The following SLC12A1 variants were observed in gnomAD, a reference collection of about 807,000 sequenced individuals.
SLC12A1 encodes Na-K-2Cl cotransporter.
Under a neutral mutation model 130.4 loss-of-function variants are expected in SLC12A1, and 89 were observed. That is an observed-to-expected ratio of 0.68 (90% CI 0.58 to 0.81). The LOEUF (loss-of-function observed/expected upper bound fraction) is 0.81. Ranked by LOEUF, SLC12A1 falls within the 40% of genes least tolerant of loss-of-function variation. The pLI is 0.00. For missense variants in SLC12A1, 1,310 were observed against 1,336.4 expected (o/e 0.98, Z 0.31); for synonymous variants, 499 against 460.0 (o/e 1.08, Z -1.09).
At chr15:48,265,478 T>C (rs1456152887) in intron 17 of SLC12A1, among the ~76,000 whole-genome samples, 1 of 152,188 alleles carries the variant, frequency 6.6e-6, no homozygotes, top group Non-Finnish European at 1.5e-5. Flanking sequence ...TATTCTTTCT[T>C]TTTTTTGCAG....
At chr15:48,285,055 A>G in intron 20 of SLC12A1, 51 bp from the exon 21 acceptor site, 1 of 1,398,186 alleles carries the variant, frequency 7.2e-7, no homozygotes, top group Non-Finnish European at 9.6e-7. Context: ...GATTGTTTCT[A>G]GAAACTTTGT....
At chr15:48,301,766 G>A (rs1182971794) in intron 26 of SLC12A1, among the ~76,000 whole-genome samples, 9 of 152,142 alleles carry the variant, frequency 5.9e-5, no homozygotes, top group Non-Finnish European at 1.0e-4. Flanking sequence ...CTGTGCCCAT[G>A]GCAGGTTCAT....
At chr15:48,238,132 C>A (rs1419663826) in intron 9 of SLC12A1, among the ~76,000 whole-genome samples, 1 of 152,204 alleles carries the variant, frequency 6.6e-6, no homozygotes, top group African/African-American at 2.4e-5. Flanking sequence ...TTATTACAAG[C>A]AATGCCTTCT....
chr15:48,291,356 A>C (rs984303613), intron 23 of SLC12A1, among the ~76,000 whole-genome samples: 1 of 151,278 alleles, frequency 6.6e-6, no homozygotes, highest in African/African-American at 2.4e-5. Context: ...ATAATCATAT[A>C]ATTTATCATC....
At chr15:48,291,123 A>T (rs1298329807) in intron 23 of SLC12A1, among the ~76,000 whole-genome samples, 1 of 151,922 alleles carries the variant, frequency 6.6e-6, no homozygotes, top group Non-Finnish European at 1.5e-5. Context: ...AGAAACAAAG[A>T]AAATGGTAAA....
chr15:48,213,996 C>T (rs1021742784), intron 2 of SLC12A1, among the ~76,000 whole-genome samples: 2 of 152,154 alleles, frequency 1.3e-5, no homozygotes, highest in South Asian at 2.1e-4. Flanking sequence ...ATAACCTTTT[C>T]TACAGTGTTT....
intron 19 of SLC12A1, among the ~76,000 whole-genome samples, chr15:48,274,280 C>A (rs746837313): frequency 6.6e-6 from 1 of 152,036 alleles, no homozygotes; most frequent in African/African-American, 2.4e-5. Flanking sequence ...ATAAAAGATT[C>A]GATTATTTTT....
At chr15:48,286,808 A>T (rs1264260747) in intron 21 of SLC12A1, among the ~76,000 whole-genome samples, 1 of 152,058 alleles carries the variant, frequency 6.6e-6, no homozygotes, top group Non-Finnish European at 1.5e-5. Flanking sequence ...TTGCTTGTCA[A>T]CTCTTTTGAG....
chr15:48,301,202 T>C (rs2042228248), intron 25 of SLC12A1, 113 bp from the exon 26 acceptor site: 9 of 777,250 alleles, frequency 1.2e-5, no homozygotes, highest in Admixed American at 4.2e-5. Flanking sequence ...GTAATTGTAA[T>C]TTTTATACAT....
chr15:48,249,984 A>T (rs2041628687), intron 14 of SLC12A1, among the ~76,000 whole-genome samples: 1 of 152,218 alleles, frequency 6.6e-6, no homozygotes, highest in South Asian at 2.1e-4. Flanking sequence ...TCCAGGGTGA[A>T]AGTGACCACA....
chr15:48,238,978 A>G (rs998626923), intron 9 of SLC12A1, among the ~76,000 whole-genome samples: 1 of 152,246 alleles, frequency 6.6e-6, no homozygotes, highest in African/African-American at 2.4e-5. Flanking sequence ...ACATACCCAG[A>G]AAGCAGGCAT....
At chr15:48,283,787 A>G (rs1415879234) in intron 20 of SLC12A1, among the ~76,000 whole-genome samples, 1 of 152,220 alleles carries the variant, frequency 6.6e-6, no homozygotes, top group Admixed American at 6.5e-5. Context: ...TCTTCCTCTG[A>G]GCATTGCTCA....
chr15:48,235,736 C>T (rs931152695), intron 9 of SLC12A1, among the ~76,000 whole-genome samples: 3 of 151,928 alleles, frequency 2.0e-5, no homozygotes, highest in African/African-American at 7.3e-5. Context: ...TTAAATCATC[C>T]CGTAGGCCAT....
At position 48,304,049 on chromosome 15, in the gene SLC12A1, T is replaced by G. The variant is rs2042261377; in HGVS notation, c.*1164T>G. On this transcript the variant is annotated 3_prime_UTR_variant, in exon 27 of 27. Transcript: ENST00000380993. ...AACTGAAAACATATATGGGAAAATATGAACCTGAAATAAAAGCACTCAAAT... is the reference window on the plus strand; with the variant it reads ...AACTGAAAACATATATGGGAAAATAGGAACCTGAAATAAAAGCACTCAAAT... 6.6e-6 allele frequency: 1 copy of G among 152,220 alleles called. No individual in the cohort carries two copies. The highest frequency in any genetic ancestry group is 2.4e-5 in the African/African-American group (1 of 41,476). 9.4% of individuals were successfully genotyped at this position (152,220 alleles called of 1,614,324 possible).
At chr15:48,264,109 ATTC>A (rs929813957) in intron 17 of SLC12A1, among the ~76,000 whole-genome samples, 3 of 152,152 alleles carry the variant, frequency 2.0e-5, no homozygotes, top group Admixed American at 1.3e-4. Context: ...TTTTATGGGT[ATTC>A]TTCTCATCAT....
chr15:48,245,320 G>C (rs2041564780), intron 11 of SLC12A1, among the ~76,000 whole-genome samples: 1 of 152,180 alleles, frequency 6.6e-6, no homozygotes, highest in Admixed American at 6.5e-5. Context: ...GTGTGATTCT[G>C]AGATTTGGGG....
intron 10 of SLC12A1, among the ~76,000 whole-genome samples, chr15:48,244,448 T>C (rs1258048628): frequency 6.6e-6 from 1 of 152,186 alleles, no homozygotes; most frequent in Admixed American, 6.5e-5. Context: ...ATATTGAGTA[T>C]GTGTTATGTA....
chr15:48,255,861 G>T lies in SLC12A1; in HGVS notation c.1993G>T (p.Asp665Tyr). The part of the protein sequence containing the change: ...TQALSYVSAL[D>Y]NALELTTVED... Reference sequence around the variant, plus strand: ...GGCTCTTTCCTACGTGAGTGCTTTAGACAATGCTCTGGAATTAACCACAGT... The same window carrying T: ...GGCTCTTTCCTACGTGAGTGCTTTATACAATGCTCTGGAATTAACCACAGT... Residue 665 changes from aspartate (D) to tyrosine (Y), a missense_variant, in exon 16 of 27, where the codon GAC becomes TAC. Coordinates refer to ENST00000380993, the MANE Select transcript of SLC12A1 (RefSeq NM_000338.3). 1 of 1,607,932 alleles carries T rather than the reference G, an allele frequency of 6.2e-7. No homozygotes were observed. The highest frequency in any genetic ancestry group is 8.5e-7 in the Non-Finnish European group (1 of 1,177,182).
At chr15:48,254,183 C>T (rs957908949) in intron 15 of SLC12A1, among the ~76,000 whole-genome samples, 1 of 150,430 alleles carries the variant, frequency 6.6e-6, no homozygotes, top group Non-Finnish European at 1.5e-5. Context: ...TACCATATTG[C>T]ATCTGATCTA....
Sources: allele counts gnomAD v4.1 joint callset (sites outside exome capture counted in the v4.1 genomes callset), GRCh38; gene constraint gnomAD v4.1.1; transcripts MANE v1.5; gene names NCBI Gene and HGNC (gene_info 2026-07-23, HGNC 2026-07-21).